NHEJ1: variants seen among roughly 807,000 people sequenced by gnomAD.
NHEJ1 encodes non-homologous end-joining factor 1.
A neutral mutation model predicts 39.4 loss-of-function variants in NHEJ1; 22 were observed. That is an observed-to-expected ratio of 0.56 (90% CI 0.40 to 0.80). NHEJ1 has a LOEUF of 0.80. Among genes scored for constraint, NHEJ1 ranks in the 30% least tolerant of loss-of-function variants. NHEJ1 has a pLI of 0.00. For missense variants in NHEJ1, 329 were observed against 357.1 expected (o/e 0.92, Z 0.63); for synonymous variants, 154 against 135.6 (o/e 1.14, Z -0.94).
intron 5 of NHEJ1, among the ~76,000 whole-genome samples, chr2:219,130,234 T>C (rs1574730389): frequency 6.6e-6 from 1 of 152,242 alleles, no homozygotes; most frequent in East Asian, 1.9e-4. Flanking sequence ...CCTATATTTA[T>C]ATATGAGGAC....
At chr2:219,123,977 G>A (rs1043580292) in intron 5 of NHEJ1, among the ~76,000 whole-genome samples, 1 of 152,142 alleles carries the variant, frequency 6.6e-6, no homozygotes, top group Admixed American at 6.5e-5. Flanking sequence ...CTGGCGGTGG[G>A]GGCAGAGGTA....
Position 219,125,631 on chromosome 2 carries a change from T to C in NHEJ1, c.588+21049A>G, listed in dbSNP as rs1290061072. Reference sequence around the variant, plus strand: ...TGGGAAAACAGAGCTGGACAAAGAGTGTCTGGGTCCTGTATGGCTAGAATT... The same window carrying C: ...TGGGAAAACAGAGCTGGACAAAGAGCGTCTGGGTCCTGTATGGCTAGAATT... On this transcript the variant is annotated intron_variant, in intron 5 of 7. Transcript: ENST00000356853. 5.9e-5 allele frequency: 9 copies of C among 152,064 alleles called. No individual in the cohort carries two copies. The East Asian group carries it at 1.7e-3, about 29-fold the overall frequency. The allele number at this position is 152,064 out of a possible 1,614,324, so 9.4% of individuals were successfully genotyped here.
intron 5 of NHEJ1, among the ~76,000 whole-genome samples, chr2:219,112,997 T>C (rs1242938556): frequency 2.6e-5 from 4 of 152,212 alleles, no homozygotes; most frequent in African/African-American, 9.6e-5. Flanking sequence ...AAATCTCTTA[T>C]GCCTTTATGT....
intron 5 of NHEJ1, chr2:219,095,248 G>A (rs1307820018): frequency 2.1e-6 from 1 of 468,658 alleles, no homozygotes; most frequent in African/African-American, 2.0e-5. Context: ...AGTATGTCAG[G>A]GAAGACAATG....
intron 5 of NHEJ1, among the ~76,000 whole-genome samples, chr2:219,091,150 G>C (rs1343537338): frequency 6.6e-6 from 1 of 152,064 alleles, no homozygotes; most frequent in Non-Finnish European, 1.5e-5. Context: ...AAAAAGTTTT[G>C]GGATGCAGGT....
intron 5 of NHEJ1, among the ~76,000 whole-genome samples, chr2:219,120,048 C>T (rs373392207): frequency 6.6e-6 from 1 of 152,156 alleles, no homozygotes; most frequent in Non-Finnish European, 1.5e-5. Context: ...AGGACATGAT[C>T]TAGTGTTTGT....
chr2:219,121,624 T>C (rs1361103448), intron 5 of NHEJ1, among the ~76,000 whole-genome samples: 1 of 151,908 alleles, frequency 6.6e-6, no homozygotes, highest in Admixed American at 6.6e-5. Flanking sequence ...GTGGATCACT[T>C]AAGTCCAGGA....
rs1949367909 is a variant in NHEJ1 at position 219,111,759 on chromosome 2, T to C, written c.589-33553A>G. Among the ~76,000 whole-genome samples, 2 of 151,884 alleles carry C rather than the reference T, an allele frequency of 1.3e-5. No homozygotes were observed. The highest frequency in any genetic ancestry group is 2.9e-5 in the Non-Finnish European group (2 of 67,992). On this transcript the variant is annotated intron_variant, in intron 5 of 7. Transcript: ENST00000356853. This position sits in a 1 kb window ranked among gnomAD's most constrained non-coding sequence, Gnocchi z 4.1. ...TGCAGAAAACAACTGCTTGTTAAGTTAAAATTAAACTCTGTACAAATATTG... is the reference window on the plus strand; with the variant it reads ...TGCAGAAAACAACTGCTTGTTAAGTCAAAATTAAACTCTGTACAAATATTG...
chr2:219,076,835 C>A (rs986581931), intron 7 of NHEJ1, among the ~76,000 whole-genome samples: 1 of 152,160 alleles, frequency 6.6e-6, no homozygotes, highest in African/African-American at 2.4e-5. Context: ...CCACCATGCC[C>A]AGCTACAAAG....
At chr2:219,112,143 G>T (rs528103836) in intron 5 of NHEJ1, among the ~76,000 whole-genome samples, 10 of 152,300 alleles carry the variant, frequency 6.6e-5, no homozygotes, top group African/African-American at 2.2e-4. Context: ...AATGGTGAAA[G>T]CACTGGGGAG....
At chr2:219,140,655 G>A (rs1198467977) in intron 5 of NHEJ1, among the ~76,000 whole-genome samples, 3 of 152,190 alleles carry the variant, frequency 2.0e-5, no homozygotes, top group Non-Finnish European at 2.9e-5. Flanking sequence ...ATGGGAGGGG[G>A]TTGTTGGAAA....
chr2:219,080,310 G>A (rs1371580917), intron 5 of NHEJ1, among the ~76,000 whole-genome samples: 3 of 152,054 alleles, frequency 2.0e-5, no homozygotes, highest in African/African-American at 7.2e-5. Context: ...GCCGAGGCGG[G>A]CGGATCACAA....
At chr2:219,115,932 C>T (rs1185005173) in intron 5 of NHEJ1, among the ~76,000 whole-genome samples, 1 of 152,110 alleles carries the variant, frequency 6.6e-6, no homozygotes, top group Non-Finnish European at 1.5e-5. Flanking sequence ...CCATGCTGGC[C>T]AACATGGTGA....
At chr2:219,140,498 G>A (rs528848009) in intron 5 of NHEJ1, among the ~76,000 whole-genome samples, 1 of 152,320 alleles carries the variant, frequency 6.6e-6, no homozygotes, top group South Asian at 2.1e-4. Context: ...AGCAGCAGAG[G>A]TGAGATTACG....
At chr2:219,141,786 G>A (rs1026701693) in intron 5 of NHEJ1, among the ~76,000 whole-genome samples, 2 of 152,146 alleles carry the variant, frequency 1.3e-5, no homozygotes, top group African/African-American at 4.8e-5. Context: ...ATGACCCAGA[G>A]GAAGGAAAGT....
In NHEJ1 at chr2:219,111,806, C is replaced by A. The variant is rs368661291; in HGVS notation, c.589-33600G>T. On this transcript the variant is annotated intron_variant, in intron 5 of 7. Transcript: ENST00000356853. This position sits in a 1 kb window ranked among gnomAD's most constrained non-coding sequence, Gnocchi z 4.1. ...ATTGACCTTTGGAGGGGACAGAAAC[C>A]GGTCCCATATTTACCAGCTTTATAA... is the stretch of plus-strand genomic sequence containing the variant. Among the ~76,000 whole-genome samples, 1 of 152,102 alleles carries A rather than the reference C, an allele frequency of 6.6e-6. No individual in the cohort carries two copies. The highest frequency in any genetic ancestry group is 2.1e-4 in the South Asian group (1 of 4,824).
intron 5 of NHEJ1, among the ~76,000 whole-genome samples, chr2:219,135,667 A>C (rs1949620716): frequency 6.6e-6 from 1 of 151,046 alleles, no homozygotes; most frequent in Non-Finnish European, 1.5e-5. Flanking sequence ...AATCTGAACC[A>C]AATGGATTTC....
At chr2:219,093,494 G>A (rs75361414) in intron 5 of NHEJ1, among the ~76,000 whole-genome samples, 2,921 of 152,252 alleles carry the variant, frequency 0.019, 106 homozygotes, top group African/African-American at 0.066. Flanking sequence ...AAAATTGAGA[G>A]GGATAAACTG....
rs2106339713 is a variant in NHEJ1 at position 219,111,747 on chromosome 2, T to G, written c.589-33541A>C. Among the ~76,000 whole-genome samples the G allele has an allele frequency of 6.6e-6, 1 of 151,790 alleles. No homozygotes were observed. Among genetic ancestry groups the G allele is most frequent in the Middle Eastern group, 3.4e-3 (1 of 292 alleles). The stretch of plus-strand genomic sequence containing the variant: ...CACCAGGGCAGCTGCAGAAAACAAC[T>G]GCTTGTTAAGTTAAAATTAAACTCT... On this transcript the variant is annotated intron_variant, in intron 5 of 7. Coordinates refer to ENST00000356853, the MANE Select transcript of NHEJ1 (RefSeq NM_024782.3). The surrounding 1 kb of genome is among the most constrained non-coding windows in gnomAD (Gnocchi z 4.1).
Sources: allele counts gnomAD v4.1 joint callset (sites outside exome capture counted in the v4.1 genomes callset), GRCh38; gene constraint gnomAD v4.1.1; non-coding constraint Gnocchi (gnomAD v3.1); transcripts MANE v1.5; gene names NCBI Gene and HGNC (gene_info 2026-07-23, HGNC 2026-07-21).